GNAL: variants seen among roughly 807,000 people sequenced by gnomAD.
GNAL encodes the protein guanine nucleotide-binding protein G(olf) subunit alpha.
In GNAL, 18 loss-of-function variants were observed where a neutral mutation model predicts 55.1. The observed-to-expected ratio is 0.33, with a 90% confidence interval of 0.23 to 0.48. The LOEUF is 0.48. Ranked by LOEUF, GNAL falls within the 20% of genes least tolerant of loss-of-function variation. The probability of loss-of-function intolerance (pLI) is 0.99; values close to 1 mark genes in which losing one functional copy is unlikely to be tolerated. For synonymous variants in GNAL, 253 were observed against 237.0 expected (o/e 1.07, Z -0.62); for missense variants, 412 against 614.1 (o/e 0.67, Z 3.48).
Position 11,752,172 on chromosome 18 carries a change from C to T in GNAL, c.377-681C>T. Reference sequence around the variant, plus strand: ...CTCCGTTCATTGTGCTGTATTCATCCAGCAGATTTTGAAACAATTCTCGTG... The same window carrying T: ...CTCCGTTCATTGTGCTGTATTCATCTAGCAGATTTTGAAACAATTCTCGTG... On this transcript the variant is annotated intron_variant, in intron 1 of 11. Coordinates refer to ENST00000334049, the MANE Select transcript of GNAL (RefSeq NM_182978.4). This position sits in a 1 kb window ranked among gnomAD's most constrained non-coding sequence, Gnocchi z 4.5. 1 of 447,786 alleles carries T rather than the reference C, an allele frequency of 2.2e-6. No individual in the cohort carries two copies. The highest frequency in any genetic ancestry group is 3.6e-6 in the Non-Finnish European group (1 of 278,178). The allele number at this position is 447,786 out of a possible 1,614,324, so 27.7% of individuals were successfully genotyped here.
rs928850683 is a variant in GNAL at position 11,860,027 on chromosome 18, C to G, written c.723-2368C>G. On this transcript the variant is annotated intron_variant, in intron 5 of 11. Transcript: ENST00000334049. ...CCTCCCAAAGTGCTGGGATTAAAGG[C>G]GTGCACCACTGCACCTGGCTAACAT... 2.6e-5 allele frequency among the ~76,000 whole-genome samples: 4 copies of G among 152,190 alleles called. No individual in the cohort carries two copies. The South Asian group carries it at 8.3e-4, about 31-fold the overall frequency.
At chr18:11,798,914 C>G (rs889784432) in intron 4 of GNAL, among the ~76,000 whole-genome samples, 2 of 151,930 alleles carry the variant, frequency 1.3e-5, no homozygotes, top group African/African-American at 2.4e-5. Context: ...GAATTTGAGA[C>G]CAGCCTGGCC....
At chr18:11,771,140 C>A (rs2033619431) in intron 4 of GNAL, among the ~76,000 whole-genome samples, 1 of 151,510 alleles carries the variant, frequency 6.6e-6, no homozygotes, top group Non-Finnish European at 1.5e-5. Flanking sequence ...ATTGCTTGAA[C>A]CTGGGAGGCA....
chr18:11,767,148 T>C (rs961601572), intron 4 of GNAL, among the ~76,000 whole-genome samples: 12 of 152,112 alleles, frequency 7.9e-5, no homozygotes, highest in African/African-American at 2.9e-4. Context: ...ACACTTGCAT[T>C]CTGTGCACCC....
At chr18:11,803,714 G>A (rs1036282500) in intron 4 of GNAL, among the ~76,000 whole-genome samples, 14 of 124,210 alleles carry the variant, frequency 1.1e-4, no homozygotes, top group Non-Finnish European at 1.9e-4. Flanking sequence ...TGAAATACAG[G>A]TGCAGTTTGG....
At chr18:11,851,752 A>G (rs2143786171) in intron 5 of GNAL, 1 of 1,613,990 alleles carries the variant, frequency 6.2e-7, no homozygotes, top group South Asian at 1.1e-5. Flanking sequence ...CAGGGTCCAG[A>G]CGGCGGTGAC....
At chr18:11,817,515 C>T (rs1026342846) in intron 4 of GNAL, among the ~76,000 whole-genome samples, 2 of 152,172 alleles carry the variant, frequency 1.3e-5, no homozygotes, top group African/African-American at 4.8e-5. Context: ...TTGCCTGTGG[C>T]GATCACGCTT....
intron 5 of GNAL, chr18:11,852,730 A>T (rs1194096796): frequency 6.0e-6 from 1 of 166,502 alleles, no homozygotes; most frequent in Admixed American, 6.6e-5. Context: ...TTTTTGCATA[A>T]TACTCTCTTA....
At chr18:11,870,169 G>T (rs1460471815) in intron 9 of GNAL, among the ~76,000 whole-genome samples, 1 of 152,178 alleles carries the variant, frequency 6.6e-6, no homozygotes, top group Non-Finnish European at 1.5e-5. Flanking sequence ...GGTATCAAGG[G>T]ATGACTCTAT....
chr18:11,709,110 C>G (rs990560507), intron 1 of GNAL, among the ~76,000 whole-genome samples: 1 of 152,110 alleles, frequency 6.6e-6, no homozygotes, highest in African/African-American at 2.4e-5. Context: ...GATCAATTGA[C>G]TATATTTGTG....
At chr18:11,740,619 T>C (rs888702272) in intron 1 of GNAL, among the ~76,000 whole-genome samples, 3 of 152,228 alleles carry the variant, frequency 2.0e-5, no homozygotes, top group African/African-American at 7.2e-5. Flanking sequence ...GCCTCTTGCT[T>C]CTCTTCATTC....
intron 5 of GNAL, among the ~76,000 whole-genome samples, chr18:11,860,780 G>A (rs1790584125): frequency 6.6e-6 from 1 of 152,172 alleles, no homozygotes; most frequent in African/African-American, 2.4e-5. Flanking sequence ...AACCCCTGGT[G>A]ATAAGAACAT....
chr18:11,758,261 G>C (rs2033126856), intron 4 of GNAL, among the ~76,000 whole-genome samples: 1 of 152,026 alleles, frequency 6.6e-6, no homozygotes, highest in Non-Finnish European at 1.5e-5. Context: ...GGTGAGGGAG[G>C]GCTTGTTAGC....
chr18:11,793,407 C>A (rs1249784822), intron 4 of GNAL, among the ~76,000 whole-genome samples: 1 of 152,004 alleles, frequency 6.6e-6, no homozygotes, highest in Non-Finnish European at 1.5e-5. Flanking sequence ...AGACTCCCAT[C>A]TCTTACAAGA....
chr18:11,747,236 C>T, intron 1 of GNAL: 3 of 347,732 alleles, frequency 8.6e-6, no homozygotes, highest in Non-Finnish European at 1.7e-5. Flanking sequence ...GGTGGAGAAA[C>T]AGCTCCTGAA....
intron 1 of GNAL, among the ~76,000 whole-genome samples, chr18:11,697,262 G>A (rs902236063): frequency 4.6e-5 from 7 of 152,018 alleles, no homozygotes; most frequent in African/African-American, 1.7e-4. Flanking sequence ...AGGAGGCCGG[G>A]CACGGTGGTG....
chr18:11,712,396 T>G (rs2031859804), intron 1 of GNAL, among the ~76,000 whole-genome samples: 1 of 152,224 alleles, frequency 6.6e-6, no homozygotes, highest in African/African-American at 2.4e-5. Context: ...CTTTGGCTTT[T>G]TACTTATCTG....
chr18:11,690,630 C>A (rs547838267), intron 1 of GNAL, among the ~76,000 whole-genome samples: 48 of 122,048 alleles, frequency 3.9e-4, no homozygotes, highest in African/African-American at 1.4e-3. Flanking sequence ...CCACAACAGT[C>A]CCCAGAGTGT....
chr18:11,694,042 G>A (rs1567987643), intron 1 of GNAL, among the ~76,000 whole-genome samples: 1 of 151,782 alleles, frequency 6.6e-6, no homozygotes. Context: ...ATATAGAGAT[G>A]GGGTTTCACC....
Sources: gnomAD v4.1 joint callset for allele counts (sites outside exome capture counted in the v4.1 genomes callset) on GRCh38, gnomAD v4.1.1 for gene constraint, Gnocchi (gnomAD v3.1) non-coding constraint, MANE v1.5 for transcripts, NCBI Gene and HGNC (gene_info 2026-07-23, HGNC 2026-07-21) for gene names.